The following RAB44 variants were observed in gnomAD, a reference collection of about 807,000 sequenced individuals.
The protein encoded by RAB44 is RAB44, member RAS oncogene family.
A neutral mutation model predicts 93.3 loss-of-function variants in RAB44; 67 were observed. That is an observed-to-expected ratio of 0.72 (90% CI 0.59 to 0.88). The LOEUF (loss-of-function observed/expected upper bound fraction) is 0.88. RAB44 is among the 40% of genes least tolerant of loss of function. The pLI is 0.00. For synonymous variants in RAB44, 427 were observed against 520.3 expected (o/e 0.82, Z 2.44); for missense variants, 1,064 against 1,261.7 (o/e 0.84, Z 2.37).
intron 6 of RAB44, 80 bp downstream of exon 6, chr6:36,718,198 C>A: frequency 1.0e-6 from 1 of 978,088 alleles, no homozygotes; most frequent in Non-Finnish European, 1.3e-6. Context: ...CAGTGACTGG[C>A]CAGGGTGGGG....
chr6:36,712,085 C>T (rs547103167), intron 2 of RAB44, among the ~76,000 whole-genome samples: 4 of 152,160 alleles, frequency 2.6e-5, no homozygotes, highest in Admixed American at 2.6e-4. Flanking sequence ...GGTGGATCAC[C>T]TGAGGTCAGG....
intron 2 of RAB44, among the ~76,000 whole-genome samples, chr6:36,713,157 T>C (rs914345849): frequency 1.3e-5 from 2 of 152,226 alleles, no homozygotes; most frequent in African/African-American, 2.4e-5. Context: ...CCATGATATA[T>C]AAAATGAACT....
chr6:36,711,440 T>C (rs1301519873), intron 2 of RAB44, among the ~76,000 whole-genome samples: 1 of 152,228 alleles, frequency 6.6e-6, no homozygotes, highest in Admixed American at 6.5e-5. Context: ...CAGATAGCTA[T>C]TATATGTGTT....
At chr6:36,704,883 G>T (rs1762605266) in intron 2 of RAB44, among the ~76,000 whole-genome samples, 1 of 152,174 alleles carries the variant, frequency 6.6e-6, no homozygotes, top group Non-Finnish European at 1.5e-5. Context: ...ACTTTGGGAG[G>T]CCGAGGCGGG....
In RAB44 at chr6:36,721,762, C is replaced by T. The variant is rs1763089820; in HGVS notation, c.1628C>T (p.Pro543Leu). The T allele has an allele frequency of 8.1e-7, 1 of 1,234,582 alleles. No homozygotes were observed. The highest frequency in any genetic ancestry group is 1.0e-6 in the Non-Finnish European group (1 of 988,370). 76.5% of individuals were successfully genotyped at this position (1,234,582 alleles called of 1,614,324 possible). A position where few individuals can be genotyped will look rare whatever the true frequency, so the allele number is the denominator to read the frequency against. Residue 543 changes from proline to leucine, a missense_variant, in exon 9 of 14, where the codon CCT (proline) becomes CTT (leucine). Transcript: ENST00000612677. ...TGGGCTCCTCCCAGCGGGGCTCAGC[C>T]TGGGGCTGGAGCAGGACCCCAGGAA... ...GSWAPPSGAQPGAGAGPQEPT... is the reference protein window; with the variant it reads ...GSWAPPSGAQLGAGAGPQEPT...
intron 2 of RAB44, among the ~76,000 whole-genome samples, chr6:36,705,382 T>TACTC (rs1762621421): frequency 8.1e-6 from 1 of 123,334 alleles, no homozygotes; most frequent in Non-Finnish European, 1.6e-5. Context: ...GTTTCAGATT[T>TACTC]CCTCCCTCCC....
intron 6 of RAB44, among the ~76,000 whole-genome samples, 186 bp from the exon 7 acceptor site, chr6:36,718,307 T>A (rs73730158): frequency 0.04 from 6,120 of 152,224 alleles, 153 homozygotes; most frequent in African/African-American, 0.058. Flanking sequence ...CCCCTTCCCA[T>A]CTCTGCCAAG....
chr6:36,721,983 C>T lies in RAB44; in HGVS notation c.1849C>T (p.Pro617Ser). 1 of 1,234,610 alleles carries T rather than the reference C, an allele frequency of 8.1e-7. No homozygotes were observed. The highest frequency in any genetic ancestry group is 1.0e-6 in the Non-Finnish European group (1 of 988,354). The allele number at this position is 1,234,610 out of a possible 1,614,324, so 76.5% of individuals were successfully genotyped here. Reference protein sequence around the residue: ...ARALTLGPAEPFQGLEFVGPV... With the variant: ...ARALTLGPAESFQGLEFVGPV... ...AGCCCTCACCCTGGGGCCAGCTGAG[C>T]CCTTCCAGGGCCTGGAATTTGTGGG... is the stretch of plus-strand genomic sequence containing the variant. Residue 617 changes from proline (P) to serine (S), a missense_variant, in exon 9 of 14, where the codon CCC becomes TCC. Pro to Ser is a moderately conservative substitution (Grantham distance 74). Coordinates refer to ENST00000612677, the MANE Select transcript of RAB44 (RefSeq NM_001257357.2).
Position 36,731,140 on chromosome 6 carries a change from T to TACACAC in RAB44, c.2975+399_2975+404dup, listed in dbSNP as rs144806629. 1.8e-4 allele frequency among the ~76,000 whole-genome samples: 27 copies of TACACAC among 151,050 alleles called. No individual in the cohort carries two copies. The South Asian group carries it at 2.3e-3, about 13-fold the overall frequency. On this transcript the variant is annotated intron_variant, in intron 13 of 13. Coordinates refer to ENST00000612677, the MANE Select transcript of RAB44 (RefSeq NM_001257357.2). This position sits in a 1 kb window ranked among gnomAD's most constrained non-coding sequence, Gnocchi z 4.0. Reference sequence around the variant, plus strand: ...TCTCTAGTGCCATCTCCCCCACCCCTACACACACACACATTCACTCACACC... The same window carrying TACACAC: ...TCTCTAGTGCCATCTCCCCCACCCCTACACACACACACACACACATTCACTCACACC...
chr6:36,720,590 G>A (rs1763049853), intron 8 of RAB44, 40 bp downstream of exon 8: 1 of 1,224,746 alleles, frequency 8.2e-7, no homozygotes, highest in East Asian at 3.2e-5. Flanking sequence ...GGACTCTAAG[G>A]GCCTCCTGGA....
In RAB44 at chr6:36,732,076, T is replaced by C. The variant is rs1479468222; in HGVS notation, c.3049T>C (p.Phe1017Leu). The part of the protein sequence containing the change: ...KVAPKRPPKR[F>L]GCCS ...GGCCCCCAAGAGGCCGCCCAAGAGA[T>C]TCGGCTGTTGCTCCTGATCACCTGT... Residue 1017 changes from phenylalanine (F) to leucine (L), a missense_variant, in exon 14 of 14, where the codon TTC becomes CTC. Transcript: ENST00000612677. 1.1e-5 allele frequency: 14 copies of C among 1,234,260 alleles called. No individual in the cohort carries two copies. The highest frequency in any genetic ancestry group is 1.4e-5 in the Non-Finnish European group (14 of 988,188). 76.5% of individuals were successfully genotyped at this position (1,234,260 alleles called of 1,614,324 possible).
chr6:36,720,301 G>A (rs1338532319), intron 7 of RAB44, 62 bp from the exon 8 acceptor site: 1 of 1,216,462 alleles, frequency 8.2e-7, no homozygotes, highest in East Asian at 3.2e-5. Context: ...AATGGCCTTG[G>A]GAGGCTTTTT....
chr6:36,717,683 A>G lies in RAB44; in HGVS notation c.641+264A>G, dbSNP rs1036025922. Reference sequence around the variant, plus strand: ...AGGGGGCCTGCTCCCGTAGACTGTAATGCATGTGGTGACCCTGGAGTTGGG... The same window carrying G: ...AGGGGGCCTGCTCCCGTAGACTGTAGTGCATGTGGTGACCCTGGAGTTGGG... On this transcript the variant is annotated intron_variant, in intron 5 of 13. Transcript: ENST00000612677. This position sits in a 1 kb window ranked among gnomAD's most constrained non-coding sequence, Gnocchi z 4.1. 5.3e-5 allele frequency among the ~76,000 whole-genome samples: 8 copies of G among 151,036 alleles called. No individual in the cohort carries two copies. Among genetic ancestry groups the G allele is most frequent in the Non-Finnish European group, 1.2e-4 (8 of 67,646 alleles).
chr6:36,716,139 C>T (rs1465220360), intron 4 of RAB44, among the ~76,000 whole-genome samples: 1 of 152,214 alleles, frequency 6.6e-6, no homozygotes, highest in Non-Finnish European at 1.5e-5. Flanking sequence ...CCATCCATCT[C>T]AGGCTCTAGG....
Position 36,732,816 on chromosome 6 carries a change from G to GT in RAB44, c.*723_*724insT, listed in dbSNP as rs1369175642. 1.3e-5 allele frequency: 2 copies of GT among 152,356 alleles called. No homozygotes were observed. The highest frequency in any genetic ancestry group is 3.9e-4 in the East Asian group (2 of 5,180). The allele number at this position is 152,356 out of a possible 1,614,324, so 9.4% of individuals were successfully genotyped here. On this transcript the variant is annotated 3_prime_UTR_variant, in exon 14 of 14. Coordinates refer to ENST00000612677, the MANE Select transcript of RAB44 (RefSeq NM_001257357.2). Reference sequence around the variant, plus strand: ...CCACCATACAAAACACACCTCCCAGGGGTCACATTTGGGGGTCCCGCCCCC... The same window carrying GT: ...CCACCATACAAAACACACCTCCCAGGTGGTCACATTTGGGGGTCCCGCCCCC...
At chr6:36,702,076 G>A (rs753527968) in intron 1 of RAB44, among the ~76,000 whole-genome samples, 23 of 152,092 alleles carry the variant, frequency 1.5e-4, no homozygotes, top group Non-Finnish European at 2.2e-4. Context: ...GAAGAGGTGT[G>A]CTGGTGACTA....
chr6:36,726,587 C>T (rs1763244781), intron 10 of RAB44, among the ~76,000 whole-genome samples: 1 of 152,122 alleles, frequency 6.6e-6, no homozygotes, highest in South Asian at 2.1e-4. Context: ...TCTGCAGTTC[C>T]ACTTCTAGAA....
Position 36,722,071 on chromosome 6 carries a change from C to T in RAB44, c.1937C>T (p.Pro646Leu). The change falls in exon 9 of 14, where the codon CCT becomes CTT. Residue 646 changes from proline to leucine, a missense_variant. Pro to Leu is a moderately conservative substitution (Grantham distance 98). Coordinates refer to ENST00000612677, the MANE Select transcript of RAB44 (RefSeq NM_001257357.2). ...QAGPAVQEGL[P>L]EGLREAHGQV... ...GGCCCAGCGGTGCAGGAGGGCCTTCCTGAGGGGCTAAGAGAAGCTCATGGC... is the reference window on the plus strand; with the variant it reads ...GGCCCAGCGGTGCAGGAGGGCCTTCTTGAGGGGCTAAGAGAAGCTCATGGC... The T allele has an allele frequency of 8.1e-7, 1 of 1,234,838 alleles. No homozygotes were observed. The highest frequency in any genetic ancestry group is 3.2e-5 in the East Asian group (1 of 31,698). The allele number at this position is 1,234,838 out of a possible 1,614,324, so 76.5% of individuals were successfully genotyped here. A position where few individuals can be genotyped will look rare whatever the true frequency, so the allele number is the denominator to read the frequency against.
rs184518042 is a variant in RAB44 at position 36,704,975 on chromosome 6, C to T, written c.207+533C>T. ...TCTCTACTAAAAATACAAAAATTAG[C>T]CAGGCATGGTGGTAGGTGCCTGTAA... On this transcript the variant is annotated intron_variant, in intron 2 of 13. Coordinates refer to ENST00000612677, the MANE Select transcript of RAB44 (RefSeq NM_001257357.2). Among the ~76,000 whole-genome samples, 108 of 152,146 alleles carry T rather than the reference C, an allele frequency of 7.1e-4. 1 individual carries two copies. Among genetic ancestry groups the T allele is most frequent in the African/African-American group, 2.1e-3 (89 of 41,510 alleles).
Sources: gnomAD v4.1 joint callset for allele counts (sites outside exome capture counted in the v4.1 genomes callset) on GRCh38, gnomAD v4.1.1 for gene constraint, Gnocchi (gnomAD v3.1) non-coding constraint, MANE v1.5 for transcripts, NCBI Gene and HGNC (gene_info 2026-07-23, HGNC 2026-07-21) for gene names.